NOP9: variants seen among roughly 807,000 people sequenced by gnomAD.
NOP9 encodes nucleolar protein 9.
A neutral mutation model predicts 63.0 loss-of-function variants in NOP9; 50 were observed. The observed-to-expected ratio is 0.79, with a 90% CI of 0.63 to 1.00. The LOEUF (loss-of-function observed/expected upper bound fraction) is 1.00, where lower values mean the gene tolerates loss of function less well. Among genes scored for constraint, NOP9 ranks in the 50% least tolerant of loss-of-function variants. NOP9 has a pLI of 0.00. For missense variants in NOP9, 758 were observed against 803.0 expected (o/e 0.94, Z 0.68); for synonymous variants, 343 against 332.8 (o/e 1.03, Z -0.33).
the NOP9 span, chr14:24,292,583 G>A: frequency 3.4e-3 from 5,552 of 1,612,156 alleles, 16 homozygotes; most frequent in Non-Finnish European, 4.0e-3. Context: ...ACTGGGGATT[G>A]TACCTCCTGA....
the NOP9 span, chr14:24,291,070 C>A: frequency 3.1e-6 from 5 of 1,613,210 alleles, no homozygotes; most frequent in Non-Finnish European, 4.2e-6. Context: ...GCTGGAGAGA[C>A]CGAGGGAGGA....
At chr14:24,289,596 C>T in the NOP9 span, among the ~76,000 whole-genome samples, 3 of 152,238 alleles carry the variant, frequency 2.0e-5, no homozygotes, top group Non-Finnish European at 4.4e-5. Context: ...AATCTGATCA[C>T]TGTGATCTGC....
In NOP9 at chr14:24,306,062, C is replaced by A. The variant is rs148553609; in HGVS notation, c.*967C>A. On this transcript the variant is annotated 3_prime_UTR_variant, in exon 10 of 10. Coordinates refer to ENST00000267425, the MANE Select transcript of NOP9 (RefSeq NM_174913.3). ...AGGTCTCGAGGGTTTTGCTTGTACA[C>A]GTCAAAGGTGAATCGGGCGATGTCC... The A allele has an allele frequency of 5.0e-5, 81 of 1,614,066 alleles. No homozygotes were observed. Among genetic ancestry groups the A allele is most frequent in the Non-Finnish European group, 6.8e-5 (80 of 1,180,038 alleles).
In NOP9 at chr14:24,299,857, T is replaced by C. The variant is rs1360147192; in HGVS notation, c.-98T>C. On this transcript the variant is annotated 5_prime_UTR_variant, in exon 1 of 10. Transcript: ENST00000267425. ...TAGCTGCGTCAGGAGCGCGCCCGCG[T>C]TTCTAAACTTTGTCTGGATAAGGCG... The C allele has an allele frequency of 7.1e-7, 1 of 1,417,320 alleles. No individual in the cohort carries two copies. The highest frequency in any genetic ancestry group is 9.3e-7 in the Non-Finnish European group (1 of 1,077,368). The allele number at this position is 1,417,320 out of a possible 1,614,324, so 87.8% of individuals were successfully genotyped here.
At chr14:24,296,090 G>A (rs1441987289), upstream of NOP9, among the ~76,000 whole-genome samples, 1 of 152,206 alleles carries the variant, frequency 6.6e-6, no homozygotes, top group Non-Finnish European at 1.5e-5. Context: ...TGGGTGTGGA[G>A]TGAGGATGTG....
chr14:24,277,792 T>G, the NOP9 span, among the ~76,000 whole-genome samples: 56 of 152,236 alleles, frequency 3.7e-4, 1 homozygote, highest in African/African-American at 1.3e-3. Flanking sequence ...CAGAGACCTC[T>G]GGGAATCTTG....
At chr14:24,275,155 G>A in the NOP9 span, among the ~76,000 whole-genome samples, 1 of 151,960 alleles carries the variant, frequency 6.6e-6, no homozygotes, top group African/African-American at 2.4e-5. Flanking sequence ...CAGGTGAGCT[G>A]CCTGCCTCGG....
chr14:24,303,599 A>T (rs1470534080), intron 6 of NOP9, 133 bp from the exon 7 acceptor site: 3 of 874,274 alleles, frequency 3.4e-6, no homozygotes, highest in Non-Finnish European at 5.6e-6. Context: ...ACAGCAAGGC[A>T]TGACATCTGC....
Position 24,306,132 on chromosome 14 carries a change from T to C in NOP9, c.*1037T>C. The C allele has an allele frequency of 2.5e-6, 4 of 1,613,462 alleles. No homozygotes were observed. The highest frequency in any genetic ancestry group is 3.4e-6 in the Non-Finnish European group (4 of 1,179,680). ...CCCGTCCCAGGCCATATGACAGCAC[T>C]CCACTCTGTAGGACACCCTTGTCAG... is the stretch of plus-strand genomic sequence containing the variant. On this transcript the variant is annotated 3_prime_UTR_variant, in exon 10 of 10. Coordinates refer to ENST00000267425, the MANE Select transcript of NOP9 (RefSeq NM_174913.3).
chr14:24,303,227 T>A lies in NOP9; in HGVS notation c.1284+13T>A. On this transcript the variant is annotated intron_variant, in intron 6 of 9. Transcript: ENST00000267425. ...GCTCTTGTTGGAGGTGAGTGGATAT[T>A]ACCCACAATCTGTTTATGCCCTCAG... The A allele has an allele frequency of 6.2e-7, 1 of 1,614,038 alleles. No individual in the cohort carries two copies.
upstream of NOP9, chr14:24,298,755 GT>G: frequency 1.5e-6 from 1 of 673,620 alleles, no homozygotes; most frequent in South Asian, 2.3e-5. Context: ...CAAACACAAA[GT>G]TTTTTCATAA....
chr14:24,288,283 T>C, the NOP9 span, among the ~76,000 whole-genome samples: 1 of 152,160 alleles, frequency 6.6e-6, no homozygotes. Flanking sequence ...CTCTGTTCTA[T>C]CCTGAAGCCA....
At chr14:24,291,335 G>C in the NOP9 span, 1 of 1,207,962 alleles carries the variant, frequency 8.3e-7, no homozygotes, top group Non-Finnish European at 1.2e-6. Flanking sequence ...TCCCTGGAGA[G>C]CTCTTTCTCT....
upstream of NOP9, among the ~76,000 whole-genome samples, chr14:24,296,123 C>T (rs75133115): frequency 0.013 from 1,975 of 152,278 alleles, 28 homozygotes; most frequent in Non-Finnish European, 0.022. Context: ...CATTGGTGTT[C>T]GCTCCTTCTT....
At chr14:24,292,211 C>G in the NOP9 span, 1 of 1,614,036 alleles carries the variant, frequency 6.2e-7, no homozygotes, top group Non-Finnish European at 8.5e-7. Flanking sequence ...CCTGCAGGAC[C>G]TCCTCCTTTG....
the NOP9 span, among the ~76,000 whole-genome samples, chr14:24,285,511 C>G: frequency 2.0e-5 from 3 of 152,150 alleles, no homozygotes; most frequent in African/African-American, 7.2e-5. Context: ...CAGCAAATCT[C>G]TTCTCTGAAT....
In NOP9 at chr14:24,305,795, T is replaced by G. The variant is rs1285186924; in HGVS notation, c.*700T>G. The G allele has an allele frequency of 1.9e-6, 3 of 1,607,960 alleles. No homozygotes were observed. In the Admixed American group the frequency reaches 5.1e-5, roughly 27 times the overall value. On this transcript the variant is annotated 3_prime_UTR_variant, in exon 10 of 10. Transcript: ENST00000267425. ...ATGGCAGAGACAAGAGGAAATCAGA[T>G]GATTTGGAAAACTTGGGAGGAAGCC...
upstream of NOP9, chr14:24,299,724 T>G: frequency 4.0e-6 from 2 of 504,842 alleles, no homozygotes; most frequent in Admixed American, 7.4e-5. Context: ...TGTGCTGAGG[T>G]AGAGGGGCAG....
At chr14:24,280,936 CCTCGCAGCACCGG>C in the NOP9 span, among the ~76,000 whole-genome samples, 1 of 152,146 alleles carries the variant, frequency 6.6e-6, no homozygotes, top group African/African-American at 2.4e-5. Context: ...TAGGGCCAGG[CCTCGCAGCACCGG>C]GAGGGAGTGG....
Sources: allele counts gnomAD v4.1 joint callset (sites outside exome capture counted in the v4.1 genomes callset), GRCh38; gene constraint gnomAD v4.1.1; transcripts MANE v1.5; gene names NCBI Gene and HGNC (gene_info 2026-07-23, HGNC 2026-07-21).